PSD2: variants seen among roughly 807,000 people sequenced by gnomAD.
The protein encoded by PSD2 is PH and SEC7 domain-containing protein 2.
A neutral mutation model predicts 69.8 loss-of-function variants in PSD2; 38 were observed. The ratio of observed to expected loss-of-function variants is 0.54; its 90% CI spans 0.42 to 0.71. The LOEUF (loss-of-function observed/expected upper bound fraction) is 0.71. Among genes scored for constraint, PSD2 ranks in the 30% least tolerant of loss-of-function variants. The probability of loss-of-function intolerance (pLI) is 0.00; values close to 1 mark genes in which losing one functional copy is unlikely to be tolerated. For synonymous variants in PSD2, 412 were observed against 423.0 expected (o/e 0.97, Z 0.32); for missense variants, 943 against 1,014.5 (o/e 0.93, Z 0.96).
At position 139,844,218 on chromosome 5, in the gene PSD2, C is replaced by G. The variant is rs1016416867; in HGVS notation, c.*1744C>G. 8 of 152,338 alleles carry G rather than the reference C, an allele frequency of 5.3e-5. No individual in the cohort carries two copies. Among genetic ancestry groups the G allele is most frequent in the South Asian group, 4.1e-4 (2 of 4,830 alleles). The allele number at this position is 152,338 out of a possible 1,614,324, so 9.4% of individuals were successfully genotyped here. On this transcript the variant is annotated 3_prime_UTR_variant, in exon 15 of 15. Coordinates refer to ENST00000274710, the MANE Select transcript of PSD2 (RefSeq NM_032289.4). The stretch of plus-strand genomic sequence containing the variant: ...GGGGTCAGTGTCCCACCCTTCACTT[C>G]CCGAGGGCGGGTGAGTGGAGAGCAG...
At chr5:139,753,447 G>A in the PSD2 span, among the ~76,000 whole-genome samples, 1 of 152,130 alleles carries the variant, frequency 6.6e-6, no homozygotes, top group African/African-American at 2.4e-5. Context: ...CATTAATTAG[G>A]CTCTGAGGTT....
chr5:139,775,865 C>T, the PSD2 span, among the ~76,000 whole-genome samples: 2 of 152,184 alleles, frequency 1.3e-5, no homozygotes, highest in Non-Finnish European at 2.9e-5. Flanking sequence ...GACGGAGTTT[C>T]GCTATGTTGG....
intron 14 of PSD2, 137 bp downstream of exon 14, chr5:139,840,307 C>A: frequency 3.1e-6 from 3 of 956,230 alleles, no homozygotes; most frequent in East Asian, 2.6e-5. Context: ...GGAACAGGGT[C>A]CCCTGACCTT....
At chr5:139,802,271 T>C (rs1026465524) in intron 1 of PSD2, among the ~76,000 whole-genome samples, 2 of 150,718 alleles carry the variant, frequency 1.3e-5, no homozygotes, top group East Asian at 3.9e-4. Context: ...ACTTAGAGGG[T>C]TTGGGGTGTG....
chr5:139,834,463 A>G (rs1760667234), intron 8 of PSD2, among the ~76,000 whole-genome samples: 1 of 145,388 alleles, frequency 6.9e-6, no homozygotes, highest in Non-Finnish European at 1.5e-5. Flanking sequence ...TTTTATTTTT[A>G]TGCTTTTTTT....
At chr5:139,767,060 T>G in the PSD2 span, among the ~76,000 whole-genome samples, 1 of 150,374 alleles carries the variant, frequency 6.7e-6, no homozygotes, top group Non-Finnish European at 1.5e-5. Flanking sequence ...TGGCACAATC[T>G]CGGCTCACTG....
At chr5:139,788,185 C>A in the PSD2 span, among the ~76,000 whole-genome samples, 6 of 151,842 alleles carry the variant, frequency 4.0e-5, no homozygotes, top group South Asian at 2.1e-4. Flanking sequence ...CCGCGCCCCC[C>A]CCCGAACCCG....
At chr5:139,753,067 TTA>T in the PSD2 span, among the ~76,000 whole-genome samples, 1 of 152,084 alleles carries the variant, frequency 6.6e-6, no homozygotes, top group Admixed American at 6.6e-5. Context: ...TTCCAAGAAG[TTA>T]TGACTCAACC....
chr5:139,839,918 G>T lies in PSD2; in HGVS notation c.1969-109G>T, dbSNP rs1760829714. 2 of 1,267,982 alleles carry T rather than the reference G, an allele frequency of 1.6e-6. No homozygotes were observed. The highest frequency in any genetic ancestry group is 2.2e-6 in the Non-Finnish European group (2 of 890,526). The allele number at this position is 1,267,982 out of a possible 1,614,324, so 78.5% of individuals were successfully genotyped here. On this transcript the variant is annotated intron_variant, in intron 13 of 14. Coordinates refer to ENST00000274710, the MANE Select transcript of PSD2 (RefSeq NM_032289.4). This position sits in a 1 kb window ranked among gnomAD's most constrained non-coding sequence, Gnocchi z 5.1. Reference sequence around the variant, plus strand: ...CTGTCCCCACATTTTGGTGATGCTGGCTAGGCCTTCATTTCCCTTTGGTGG... The same window carrying T: ...CTGTCCCCACATTTTGGTGATGCTGTCTAGGCCTTCATTTCCCTTTGGTGG...
At chr5:139,833,501 C>T (rs1271464892) in intron 7 of PSD2, among the ~76,000 whole-genome samples, 2 of 152,208 alleles carry the variant, frequency 1.3e-5, no homozygotes, top group Non-Finnish European at 2.9e-5. Flanking sequence ...CCCAACCTCT[C>T]AAGATGCTTG....
At chr5:139,840,292 G>T (rs1760842999) in intron 14 of PSD2, 122 bp downstream of exon 14, 3 of 1,133,942 alleles carry the variant, frequency 2.6e-6, no homozygotes, top group African/African-American at 3.1e-5. Context: ...TGTGGGAGCT[G>T]GGAGGGAACA....
chr5:139,792,795 CTT>C (rs1341540000), upstream of PSD2, among the ~76,000 whole-genome samples: 1 of 149,430 alleles, frequency 6.7e-6, no homozygotes, highest in Non-Finnish European at 1.5e-5. Context: ...CCCTCCCTCT[CTT>C]TCTCTCTCTC....
At chr5:139,791,453 C>A (rs1759414239), upstream of PSD2, among the ~76,000 whole-genome samples, 1 of 151,776 alleles carries the variant, frequency 6.6e-6, no homozygotes, top group South Asian at 2.1e-4. Context: ...CAAAACAAAA[C>A]CAAAAACAAA....
At chr5:139,799,429 G>C (rs913751182) in intron 1 of PSD2, among the ~76,000 whole-genome samples, 7 of 152,212 alleles carry the variant, frequency 4.6e-5, no homozygotes, top group African/African-American at 7.2e-5. Context: ...AGAAAGTAGT[G>C]AGAGGCACAG....
chr5:139,837,812 A>C lies in PSD2; in HGVS notation c.1823+30A>C. On this transcript the variant is annotated intron_variant, in intron 12 of 14. Coordinates refer to ENST00000274710, the MANE Select transcript of PSD2 (RefSeq NM_032289.4). The surrounding 1 kb of genome is among the most constrained non-coding windows in gnomAD (Gnocchi z 5.0). Reference sequence around the variant, plus strand: ...GTAGGAGCTGGAGCCCTTCACTCCCACCTGGGGCCCAGGGCCACAGTGACC... The same window carrying C: ...GTAGGAGCTGGAGCCCTTCACTCCCCCCTGGGGCCCAGGGCCACAGTGACC... 6.3e-7 allele frequency: 1 copy of C among 1,587,612 alleles called. No individual in the cohort carries two copies. Among genetic ancestry groups the C allele is most frequent in the Non-Finnish European group, 8.6e-7 (1 of 1,162,068 alleles).
chr5:139,815,249 C>A lies in PSD2; in HGVS notation c.1016+885C>A, dbSNP rs111460184. Among the ~76,000 whole-genome samples the A allele has an allele frequency of 2.9e-3, 440 of 152,280 alleles. 3 individuals carry two copies. The highest frequency in any genetic ancestry group is 0.01 in the African/African-American group (421 of 41,552). ...CGCTGCTCCTGCACCAGGTCCCCAA[C>A]AACTGCGCCAGCCCAGAAATCACAA... is the stretch of plus-strand genomic sequence containing the variant. On this transcript the variant is annotated intron_variant, in intron 4 of 14. Transcript: ENST00000274710.
upstream of PSD2, among the ~76,000 whole-genome samples, chr5:139,790,923 C>T (rs887288609): frequency 7.2e-5 from 11 of 151,858 alleles, no homozygotes; most frequent in East Asian, 3.9e-4. Context: ...TGGGGGGGAG[C>T]GCCTATAATC....
chr5:139,808,645 A>C (rs1201038050), intron 1 of PSD2, among the ~76,000 whole-genome samples: 2 of 152,036 alleles, frequency 1.3e-5, no homozygotes, highest in African/African-American at 4.8e-5. Flanking sequence ...CCGGGAGTGG[A>C]GGGGAACCCC....
At chr5:139,801,033 C>T (rs1208831260) in intron 1 of PSD2, among the ~76,000 whole-genome samples, 1 of 152,004 alleles carries the variant, frequency 6.6e-6, no homozygotes, top group Non-Finnish European at 1.5e-5. Context: ...GACGAAATTC[C>T]GTCTCTACTA....
Sources: allele counts gnomAD v4.1 joint callset (sites outside exome capture counted in the v4.1 genomes callset), GRCh38; gene constraint gnomAD v4.1.1; non-coding constraint Gnocchi (gnomAD v3.1); transcripts MANE v1.5; gene names NCBI Gene and HGNC (gene_info 2026-07-23, HGNC 2026-07-21).